ODR4: variants seen among roughly 807,000 people sequenced by gnomAD.
ODR4 encodes the protein protein odr-4 homolog.
A neutral mutation model predicts 60.2 loss-of-function variants in ODR4; 47 were observed. The observed-to-expected ratio is 0.78, with a 90% CI of 0.62 to 1.00. The LOEUF (loss-of-function observed/expected upper bound fraction) is 1.00, where lower values mean the gene tolerates loss of function less well. Ranked by LOEUF, ODR4 falls within the 50% of genes least tolerant of loss-of-function variation. The probability of loss-of-function intolerance (pLI) is 0.00; values close to 1 mark genes in which losing one functional copy is unlikely to be tolerated. For synonymous variants in ODR4, 178 were observed against 175.5 expected, an observed-to-expected ratio of 1.01 and a Z score of -0.11; for missense variants, 488 against 530.8, an observed-to-expected ratio of 0.92 and a Z score of 0.79.
At chr1:186,378,865 A>G (rs905829741) in intron 1 of ODR4, among the ~76,000 whole-genome samples, 1 of 152,228 alleles carries the variant, frequency 6.6e-6, no homozygotes, top group African/African-American at 2.4e-5. Flanking sequence ...TAGAAGCTAT[A>G]TGTTGTTATT....
chr1:186,382,985 A>G lies in ODR4; in HGVS notation c.100-37A>G, dbSNP rs745994239. 1.5e-5 allele frequency: 23 copies of G among 1,555,464 alleles called. No individual in the cohort carries two copies. The South Asian group carries it at 2.1e-4, about 14-fold the overall frequency. On this transcript the variant is annotated intron_variant, in intron 2 of 13. Transcript: ENST00000287859. ...CACTCTAATTAGATTGAGGAATCAG[A>G]TATCACTCTAACAAGCTTTTTAATT...
Position 186,394,071 on chromosome 1 carries a change from G to GT in ODR4, c.780+59dup, listed in dbSNP as rs1660576145. ...TTATTAGCATAACCATAATGAAACTGTTTCTGTTTTTATTTTTCTCATTAG... is the reference window on the plus strand; with the variant it reads ...TTATTAGCATAACCATAATGAAACTGTTTTCTGTTTTTATTTTTCTCATTAG... On this transcript the variant is annotated intron_variant, in intron 9 of 13. Coordinates refer to ENST00000287859, the MANE Select transcript of ODR4 (RefSeq NM_017847.6). The GT allele has an allele frequency of 2.0e-5, 20 of 1,001,474 alleles. 1 individual carries two copies. In the South Asian group the frequency reaches 3.1e-4, roughly 16 times the overall value. The allele number at this position is 1,001,474 out of a possible 1,614,324, so 62.0% of individuals were successfully genotyped here.
intron 8 of ODR4, among the ~76,000 whole-genome samples, chr1:186,392,858 G>A (rs1660520775): frequency 6.6e-6 from 1 of 152,100 alleles, no homozygotes; most frequent in South Asian, 2.1e-4. Context: ...ACAAAAATTA[G>A]CCGGGTGTGG....
intron 4 of ODR4, 29 bp from the exon 5 acceptor site, chr1:186,388,413 C>T (rs974442164): frequency 4.7e-6 from 6 of 1,272,218 alleles, no homozygotes; most frequent in Admixed American, 2.7e-5. Flanking sequence ...ATTTTACATT[C>T]AATTAGTGTG....
At chr1:186,390,011 A>G (rs1660402390) in intron 6 of ODR4, among the ~76,000 whole-genome samples, 1 of 151,956 alleles carries the variant, frequency 6.6e-6, no homozygotes, top group African/African-American at 2.4e-5. Context: ...TCACCATGTT[A>G]GTTATGTTTG....
At chr1:186,413,827 T>A (rs1191472078) in intron 12 of ODR4, among the ~76,000 whole-genome samples, 1 of 152,228 alleles carries the variant, frequency 6.6e-6, no homozygotes, top group Non-Finnish European at 1.5e-5. Flanking sequence ...ATTTTAAGCT[T>A]CTAAATAGTT....
chr1:186,432,162 A>G, the ODR4 span, among the ~76,000 whole-genome samples: 2 of 152,242 alleles, frequency 1.3e-5, no homozygotes, highest in South Asian at 2.1e-4. Context: ...CATTAAGGCT[A>G]CAGTAGGAAC....
At position 186,398,293 on chromosome 1, in the gene ODR4, A is replaced by T; in HGVS notation, c.781-20A>T. On this transcript the variant is annotated intron_variant, in intron 9 of 13. Transcript: ENST00000287859. The stretch of plus-strand genomic sequence containing the variant: ...TAATCATTGTTGGTTATTAGAACTT[A>T]AACAGATTTTGTCTTTCAGCTCCTG... 1.3e-6 allele frequency: 2 copies of T among 1,559,930 alleles called. No individual in the cohort carries two copies. Among genetic ancestry groups the T allele is most frequent in the Middle Eastern group, 1.7e-4 (1 of 5,844 alleles).
At chr1:186,421,385 A>C (rs1225575860), downstream of ODR4, 2 of 152,236 alleles carry the variant, frequency 1.3e-5, no homozygotes, top group Non-Finnish European at 2.9e-5. Context: ...ATAATGTGGA[A>C]TTTTTAAATA....
chr1:186,389,234 C>T (rs1660364958), intron 5 of ODR4, among the ~76,000 whole-genome samples: 1 of 151,682 alleles, frequency 6.6e-6, no homozygotes, highest in Admixed American at 6.6e-5. Context: ...TAAATAGTCT[C>T]AGGTTTGACC....
chr1:186,400,639 A>G (rs759535459), intron 11 of ODR4: 86 of 182,168 alleles, frequency 4.7e-4, no homozygotes, highest in South Asian at 9.5e-4. Flanking sequence ...TAGCTCCTCT[A>G]TATAACCAAC....
At chr1:186,379,390 C>T (rs1220426904) in intron 1 of ODR4, among the ~76,000 whole-genome samples, 1 of 149,836 alleles carries the variant, frequency 6.7e-6, no homozygotes, top group Non-Finnish European at 1.5e-5. Flanking sequence ...TTACAGTGTG[C>T]CGAGGTTGCG....
At chr1:186,411,259 C>CT (rs373734901) in intron 12 of ODR4, among the ~76,000 whole-genome samples, 1 of 152,130 alleles carries the variant, frequency 6.6e-6, no homozygotes, top group African/African-American at 2.4e-5. Flanking sequence ...ATCTGAAACA[C>CT]TTACGATCCC....
chr1:186,409,482 C>G (rs1661292995), intron 12 of ODR4, among the ~76,000 whole-genome samples: 1 of 152,156 alleles, frequency 6.6e-6, no homozygotes, highest in Non-Finnish European at 1.5e-5. Context: ...TTTATTTTGT[C>G]CTATGGATTA....
chr1:186,378,054 A>AC (rs957477971), intron 1 of ODR4, among the ~76,000 whole-genome samples: 37 of 150,512 alleles, frequency 2.5e-4, no homozygotes, highest in African/African-American at 6.6e-4. Context: ...CAAAAAACAA[A>AC]AAAAAAAAAG....
At chr1:186,391,530 TG>T (rs1183620569) in intron 7 of ODR4, among the ~76,000 whole-genome samples, 165 bp from the exon 8 acceptor site, 13 of 151,214 alleles carry the variant, frequency 8.6e-5, no homozygotes, top group African/African-American at 3.1e-4. Flanking sequence ...GTATCAAGAA[TG>T]GGGGTATACT....
At chr1:186,377,383 G>T (rs1011295161) in intron 1 of ODR4, among the ~76,000 whole-genome samples, 1 of 152,086 alleles carries the variant, frequency 6.6e-6, no homozygotes, top group Non-Finnish European at 1.5e-5. Context: ...GAGCACTAAA[G>T]AAAAATTTAT....
intron 4 of ODR4, 54 bp from the exon 5 acceptor site, chr1:186,388,388 T>C (rs1660329662): frequency 2.0e-6 from 2 of 1,018,886 alleles, no homozygotes; most frequent in South Asian, 1.6e-5. Flanking sequence ...ATTTCAACAC[T>C]CATCTTTTTT....
At position 186,406,064 on chromosome 1, in the gene ODR4, A is replaced by G. The variant is rs753825604; in HGVS notation, c.1001-19A>G. On this transcript the variant is annotated intron_variant, in intron 11 of 13. Transcript: ENST00000287859. Reference sequence around the variant, plus strand: ...TGACAAACCTATCTAAATATTGATAATATTTCTTTTCCTTTTAGATTCTGA... The same window carrying G: ...TGACAAACCTATCTAAATATTGATAGTATTTCTTTTCCTTTTAGATTCTGA... 1 of 1,506,208 alleles carries G rather than the reference A, an allele frequency of 6.6e-7. No individual in the cohort carries two copies. The highest frequency in any genetic ancestry group is 1.4e-5 in the South Asian group (1 of 73,642). 93.3% of individuals were successfully genotyped at this position (1,506,208 alleles called of 1,614,324 possible). A position where few individuals can be genotyped will look rare whatever the true frequency, so the allele number is the denominator to read the frequency against.
Sources: gnomAD v4.1 joint callset for allele counts (sites outside exome capture counted in the v4.1 genomes callset) on GRCh38, gnomAD v4.1.1 for gene constraint, MANE v1.5 for transcripts, NCBI Gene and HGNC (gene_info 2026-07-23, HGNC 2026-07-21) for gene names.